The following UBR3 variants were observed in gnomAD, a reference collection of about 807,000 sequenced individuals.
UBR3 encodes the protein E3 ubiquitin-protein ligase UBR3.
In UBR3, 85 loss-of-function variants were observed where a neutral mutation model predicts 243.2. The ratio of observed to expected loss-of-function variants is 0.35; its 90% CI spans 0.29 to 0.42. UBR3 has a LOEUF of 0.42. Ranked by LOEUF, UBR3 falls within the 10% of genes least tolerant of loss-of-function variation. The pLI, the probability that UBR3 is intolerant of heterozygous loss-of-function variation, is 1.00. For synonymous variants in UBR3, 748 were observed against 799.8 expected, an observed-to-expected ratio of 0.94 and a Z score of 1.09; for missense variants, 1,686 against 2,300.8, an observed-to-expected ratio of 0.73 and a Z score of 5.47.
intron 24 of UBR3, among the ~76,000 whole-genome samples, chr2:169,981,014 A>G (rs2105383784): frequency 6.6e-6 from 1 of 152,166 alleles, no homozygotes; most frequent in Middle Eastern, 3.4e-3. Flanking sequence ...GAGAGTTTCC[A>G]GTGGCCAAAG....
chr2:169,966,589 A>C (rs1048852832), intron 24 of UBR3, among the ~76,000 whole-genome samples: 1 of 152,164 alleles, frequency 6.6e-6, no homozygotes, highest in Non-Finnish European at 1.5e-5. Flanking sequence ...TTGGGGAAGC[A>C]GTATAGTGTA....
At chr2:169,858,974 G>A (rs74862579) in intron 1 of UBR3, among the ~76,000 whole-genome samples, 6,717 of 150,492 alleles carry the variant, frequency 0.045, 181 homozygotes, top group Non-Finnish European at 0.069. Flanking sequence ...CCTGTTATTT[G>A]TATCTGTTCC....
intron 36 of UBR3, among the ~76,000 whole-genome samples, chr2:170,075,850 TG>T (rs763383515): frequency 1.3e-5 from 2 of 152,000 alleles, no homozygotes; most frequent in African/African-American, 2.4e-5. Flanking sequence ...TAAGATTCTT[TG>T]TTTGGGAACA....
chr2:170,006,050 G>A lies in UBR3; in HGVS notation c.4030-940G>A, dbSNP rs2089900512. ...CCAGCTTCAGTTACAGCAAAAAAGA[G>A]TATCTAGCATTCTTTGGAATTAAGG... On this transcript the variant is annotated intron_variant, in intron 27 of 38. Transcript: ENST00000272793. Among the ~76,000 whole-genome samples the A allele has an allele frequency of 2.0e-5, 3 of 152,232 alleles. No homozygotes were observed. In the South Asian group the frequency reaches 6.2e-4, roughly 32 times the overall value.
rs2105460527 is a variant in UBR3, at chr2:170,077,490, G to A, written c.5200-2324G>A. Reference sequence around the variant, plus strand: ...TCTTGAAACGCAAGCCCATTGGCCTGATGAATCTTCCATAGATAAGTAGTT... The same window carrying A: ...TCTTGAAACGCAAGCCCATTGGCCTAATGAATCTTCCATAGATAAGTAGTT... On this transcript the variant is annotated intron_variant, in intron 36 of 38. Transcript: ENST00000272793. The A allele has an allele frequency of 2.3e-6, 3 of 1,302,986 alleles. No homozygotes were observed. In the East Asian group the frequency reaches 7.2e-5, roughly 31 times the overall value. The allele number at this position is 1,302,986 out of a possible 1,614,324, so 80.7% of individuals were successfully genotyped here. A position where few individuals can be genotyped will look rare whatever the true frequency, so the allele number is the denominator to read the frequency against.
intron 8 of UBR3, among the ~76,000 whole-genome samples, chr2:169,900,783 A>G (rs574342530): frequency 2.0e-5 from 3 of 150,030 alleles, no homozygotes; most frequent in Non-Finnish European, 3.0e-5. Flanking sequence ...CTCACTTTTT[A>G]TATTCGTATC....
chr2:170,001,256 T>C, intron 26 of UBR3, 48 bp from the exon 27 acceptor site: 1 of 1,312,400 alleles, frequency 7.6e-7, no homozygotes, highest in Non-Finnish European at 1.1e-6. Flanking sequence ...TTAAATATGT[T>C]TGTACTTCTT....
intron 1 of UBR3, among the ~76,000 whole-genome samples, chr2:169,845,531 GTCT>G (rs1184360391): frequency 0.023 from 2,406 of 105,118 alleles, 69 homozygotes; most frequent in African/African-American, 0.084. Flanking sequence ...CGTCGTCGTC[GTCT>G]TCTTCTTCTT....
chr2:169,977,296 A>G (rs908301705), intron 24 of UBR3, among the ~76,000 whole-genome samples: 4 of 152,228 alleles, frequency 2.6e-5, no homozygotes, highest in Admixed American at 2.0e-4. Context: ...CCAGAGGGAC[A>G]GAAATGGTAG....
At chr2:169,885,733 T>C (rs2084068232) in intron 5 of UBR3, among the ~76,000 whole-genome samples, 3 of 152,352 alleles carry the variant, frequency 2.0e-5, no homozygotes, top group Admixed American at 2.0e-4. Context: ...AATAAGTTAC[T>C]GTGTAGATAT....
At chr2:169,925,915 G>A (rs879675227) in intron 14 of UBR3, among the ~76,000 whole-genome samples, 168 bp downstream of exon 14, 1 of 152,190 alleles carries the variant, frequency 6.6e-6, no homozygotes, top group African/African-American at 2.4e-5. Flanking sequence ...CCAACACAAG[G>A]CTACAAGGAA....
At chr2:169,954,165 TTTGTCTTGTCTTGTCTTGTCTTGTC>T (rs77961475) in intron 23 of UBR3, among the ~76,000 whole-genome samples, 79 of 140,852 alleles carry the variant, frequency 5.6e-4, no homozygotes, top group South Asian at 5.2e-3. Context: ...TAATGTTTGA[TTTGTCTTGTCTTGTCTTGTCTTGTC>T]TTGTCTTGTC....
At chr2:169,882,262 A>G (rs1465124982) in intron 5 of UBR3, among the ~76,000 whole-genome samples, 1 of 136,306 alleles carries the variant, frequency 7.3e-6, no homozygotes, top group East Asian at 2.1e-4. Context: ...ATATATTTAT[A>G]TATATTTGTA....
At chr2:169,961,586 A>G (rs1476534470) in intron 24 of UBR3, among the ~76,000 whole-genome samples, 1 of 152,194 alleles carries the variant, frequency 6.6e-6, no homozygotes. Flanking sequence ...AGATGGATAT[A>G]GAATTCCAGG....
chr2:169,897,457 A>G (rs943083351), intron 8 of UBR3, among the ~76,000 whole-genome samples: 1 of 151,850 alleles, frequency 6.6e-6, no homozygotes, highest in Non-Finnish European at 1.5e-5. Context: ...GTGTGTATAT[A>G]TGTATATATG....
At chr2:170,072,175 A>T (rs966050946) in intron 35 of UBR3, among the ~76,000 whole-genome samples, 8 of 152,186 alleles carry the variant, frequency 5.3e-5, no homozygotes, top group African/African-American at 1.9e-4. Context: ...ACCAACCCAA[A>T]TGTCCAACAA....
intron 1 of UBR3, among the ~76,000 whole-genome samples, chr2:169,849,833 A>T (rs2082599505): frequency 6.6e-6 from 1 of 152,164 alleles, no homozygotes; most frequent in Admixed American, 6.5e-5. Context: ...TGGAGCAGAA[A>T]GGGGGAGCAC....
chr2:170,041,107 C>A, intron 32 of UBR3, 122 bp downstream of exon 32: 1 of 897,400 alleles, frequency 1.1e-6, no homozygotes, highest in Non-Finnish European at 1.6e-6. Flanking sequence ...CTTTAGGAGG[C>A]TGAGGTGGGT....
chr2:169,938,032 G>A lies in UBR3; in HGVS notation c.2664-4461G>A, dbSNP rs62170349. Among the ~76,000 whole-genome samples the A allele has an allele frequency of 2.5e-3, 375 of 151,984 alleles. 1 individual carries two copies. The highest frequency in any genetic ancestry group is 4.0e-3 in the Non-Finnish European group (275 of 67,982). ...ATATCCTCAATTGTACTTGCTATTT[G>A]ATCCTCCCCAGAGATGAGTTCTGTA... On this transcript the variant is annotated intron_variant, in intron 19 of 38. Transcript: ENST00000272793.
Sources: gnomAD v4.1 joint callset for allele counts (sites outside exome capture counted in the v4.1 genomes callset) on GRCh38, gnomAD v4.1.1 for gene constraint, MANE v1.5 for transcripts, NCBI Gene and HGNC (gene_info 2026-07-23, HGNC 2026-07-21) for gene names.